The following SYNPO2 variants were observed in gnomAD, a reference collection of about 807,000 sequenced individuals.
The protein encoded by SYNPO2 is synaptopodin-2.
Under a neutral mutation model 85.0 loss-of-function variants are expected in SYNPO2, and 56 were observed. That is an observed-to-expected ratio of 0.66 (90% CI 0.53 to 0.82). The LOEUF (loss-of-function observed/expected upper bound fraction) is 0.82. Among genes scored for constraint, SYNPO2 ranks in the 40% least tolerant of loss-of-function variants. The pLI, the probability that SYNPO2 is intolerant of heterozygous loss-of-function variation, is 0.00. For missense variants in SYNPO2, 1,575 were observed against 1,534.2 expected (o/e 1.03, Z -0.44); for synonymous variants, 602 against 591.1 (o/e 1.02, Z -0.27).
upstream of SYNPO2, among the ~76,000 whole-genome samples, chr4:118,887,555 C>CA (rs1168908987): frequency 6.6e-6 from 1 of 152,016 alleles, no homozygotes; most frequent in Non-Finnish European, 1.5e-5. Context: ...ACTGATTCAC[C>CA]AAAAATTGGG....
intron 1 of SYNPO2, among the ~76,000 whole-genome samples, chr4:118,870,760 C>A (rs1341070133): frequency 1.3e-5 from 2 of 152,126 alleles, no homozygotes; most frequent in African/African-American, 4.8e-5. Flanking sequence ...GGAGGGAGAG[C>A]ATCAGGATAA....
At chr4:118,979,035 G>A (rs561113540) in intron 1 of SYNPO2, among the ~76,000 whole-genome samples, 16 of 152,170 alleles carry the variant, frequency 1.1e-4, no homozygotes, top group Admixed American at 4.6e-4. Context: ...GTACTGATGC[G>A]ATATACTCCA....
intron 4 of SYNPO2, among the ~76,000 whole-genome samples, chr4:119,055,783 C>T (rs1193013811): frequency 6.6e-6 from 1 of 151,986 alleles, no homozygotes; most frequent in Non-Finnish European, 1.5e-5. Flanking sequence ...TAAGATTCAA[C>T]CATTGTAAGT....
chr4:118,932,643 A>G (rs966957151), intron 1 of SYNPO2, among the ~76,000 whole-genome samples: 3 of 152,212 alleles, frequency 2.0e-5, no homozygotes, highest in African/African-American at 4.8e-5. Context: ...TTCGGCAGAA[A>G]ATGGTTTTCT....
At chr4:119,053,519 T>G (rs17050130) in intron 4 of SYNPO2, among the ~76,000 whole-genome samples, 1,955 of 152,336 alleles carry the variant, frequency 0.013, 54 homozygotes, top group African/African-American at 0.044. Context: ...ATTTGTCATA[T>G]GCATGTTTGG....
At position 118,879,355 on chromosome 4, in the gene SYNPO2, C is replaced by G. The variant is rs78851363; in HGVS notation, c.12+28415C>G. On this transcript the variant is annotated intron_variant, in intron 1 of 4. Transcript: ENST00000610556. ...GGGGAACTGAACGTTTTTGTCTCCC[C>G]TGAAATTCATATGTTGAATCCTAAA... 6.3e-3 allele frequency among the ~76,000 whole-genome samples: 956 copies of G among 152,262 alleles called. 14 individuals carry two copies. Among genetic ancestry groups the G allele is most frequent in the African/African-American group, 0.021 (872 of 41,546 alleles).
At chr4:118,988,061 A>G (rs1427302137) in intron 1 of SYNPO2, among the ~76,000 whole-genome samples, 1 of 152,168 alleles carries the variant, frequency 6.6e-6, no homozygotes, top group South Asian at 2.1e-4. Flanking sequence ...ACATAACAAC[A>G]TGTTTTTGCT....
intron 1 of SYNPO2, among the ~76,000 whole-genome samples, chr4:118,907,787 C>T (rs556109736): frequency 6.6e-6 from 1 of 152,226 alleles, no homozygotes; most frequent in East Asian, 1.9e-4. Flanking sequence ...CTATACCAGC[C>T]AGAAATACCA....
intron 1 of SYNPO2, among the ~76,000 whole-genome samples, chr4:118,851,176 T>G (rs1238863730): frequency 2.0e-5 from 3 of 152,200 alleles, no homozygotes; most frequent in Non-Finnish European, 4.4e-5. Flanking sequence ...CCTCACATTG[T>G]CCTAGTAACC....
At chr4:118,855,901 CTCTT>C (rs1236269733) in intron 1 of SYNPO2, among the ~76,000 whole-genome samples, 1 of 152,170 alleles carries the variant, frequency 6.6e-6, no homozygotes, top group Non-Finnish European at 1.5e-5. Flanking sequence ...CTCCCTCTTT[CTCTT>C]TCTTTTTCCC....
chr4:118,895,534 C>CCT (rs1732523197), intron 1 of SYNPO2, among the ~76,000 whole-genome samples: 2 of 152,072 alleles, frequency 1.3e-5, no homozygotes, highest in Admixed American at 1.3e-4. Flanking sequence ...TGCACAGTCC[C>CCT]CTAACACAGG....
upstream of SYNPO2, among the ~76,000 whole-genome samples, chr4:118,884,347 T>A (rs1732162998): frequency 6.6e-6 from 1 of 152,226 alleles, no homozygotes; most frequent in African/African-American, 2.4e-5. Context: ...CTCCATTGGC[T>A]GCAAATCAGT....
chr4:118,958,793 TTCCC>T (rs1734969385), intron 1 of SYNPO2, among the ~76,000 whole-genome samples: 1 of 152,136 alleles, frequency 6.6e-6, no homozygotes, highest in African/African-American at 2.4e-5. Flanking sequence ...TGTTGAAAAT[TTCCC>T]TCAGATGGCT....
At chr4:118,864,110 A>G (rs1324696588) in intron 1 of SYNPO2, among the ~76,000 whole-genome samples, 1 of 138,364 alleles carries the variant, frequency 7.2e-6, no homozygotes, top group Non-Finnish European at 1.7e-5. Context: ...CTTTCCTCTT[A>G]GTACTGCTTT....
chr4:119,007,229 T>TATATATATATAC (rs1560971779), intron 1 of SYNPO2, among the ~76,000 whole-genome samples: 34 of 48,044 alleles, frequency 7.1e-4, no homozygotes, highest in African/African-American at 2.9e-3. Context: ...TATATATATA[T>TATATATATATAC]ATATATATAT....
intron 1 of SYNPO2, among the ~76,000 whole-genome samples, chr4:118,972,086 C>G (rs559821145): frequency 6.6e-6 from 1 of 152,188 alleles, no homozygotes; most frequent in South Asian, 2.1e-4. Context: ...TAACTTCTGA[C>G]GAGAACTTCC....
intron 1 of SYNPO2, among the ~76,000 whole-genome samples, chr4:118,986,476 A>G (rs1170777452): frequency 6.6e-6 from 1 of 152,154 alleles, no homozygotes; most frequent in Non-Finnish European, 1.5e-5. Context: ...TACAAACCAA[A>G]TTTCATGTGG....
intron 1 of SYNPO2, among the ~76,000 whole-genome samples, chr4:118,859,583 C>G (rs1731573959): frequency 6.6e-6 from 1 of 152,196 alleles, no homozygotes; most frequent in Non-Finnish European, 1.5e-5. Context: ...CACTACCCTT[C>G]CCAGCCTCTG....
At chr4:118,982,535 C>T (rs547499175) in intron 1 of SYNPO2, among the ~76,000 whole-genome samples, 1 of 152,090 alleles carries the variant, frequency 6.6e-6, no homozygotes, top group East Asian at 1.9e-4. Flanking sequence ...ATGGTATGCC[C>T]CTCTGTACTT....
Sources: gnomAD v4.1 joint callset for allele counts (sites outside exome capture counted in the v4.1 genomes callset) on GRCh38, gnomAD v4.1.1 for gene constraint, MANE v1.5 for transcripts, NCBI Gene and HGNC (gene_info 2026-07-23, HGNC 2026-07-21) for gene names.